Variants in KIRREL3 observed in about 807,000 individuals in gnomAD.
The protein encoded by KIRREL3 is kirre like nephrin family adhesion molecule 3.
In KIRREL3, 36 loss-of-function variants were observed where a neutral mutation model predicts 89.7. The observed-to-expected ratio is 0.40, with a 90% CI of 0.31 to 0.53. KIRREL3 has a LOEUF of 0.53. KIRREL3 is among the 20% of genes least tolerant of loss of function. The pLI, the probability that KIRREL3 is intolerant of heterozygous loss-of-function variation, is 0.49. For synonymous variants in KIRREL3, 445 were observed against 441.4 expected, an observed-to-expected ratio of 1.01 and a Z score of -0.10; for missense variants, 864 against 1,056.6, an observed-to-expected ratio of 0.82 and a Z score of 2.53.
intron 1 of KIRREL3, among the ~76,000 whole-genome samples, chr11:126,888,838 T>A (rs918176974): frequency 6.6e-6 from 1 of 152,170 alleles, no homozygotes; most frequent in Admixed American, 6.5e-5. Flanking sequence ...AACCCATTTG[T>A]GAGTTTATGA....
intron 1 of KIRREL3, among the ~76,000 whole-genome samples, chr11:126,816,155 G>A (rs1951565810): frequency 6.6e-6 from 1 of 152,196 alleles, no homozygotes; most frequent in African/African-American, 2.4e-5. Flanking sequence ...CCGTATTGGA[G>A]TCTTAAGAAA....
intron 4 of KIRREL3, among the ~76,000 whole-genome samples, chr11:126,493,687 A>C (rs1957587226): frequency 7.0e-6 from 1 of 143,832 alleles, no homozygotes; most frequent in African/African-American, 2.6e-5. Context: ...AGAGAATTGG[A>C]GCTGAACCTG....
chr11:126,892,678 G>A lies in KIRREL3; in HGVS notation c.55+107777C>T, dbSNP rs954561186. Among the ~76,000 whole-genome samples the A allele has an allele frequency of 2.0e-5, 3 of 152,098 alleles. No homozygotes were observed. Among genetic ancestry groups the A allele is most frequent in the African/African-American group, 7.2e-5 (3 of 41,400 alleles). ...GCTGGAGGCATGACCCCTTTTCTCT[G>A]GTTGATTTCATCTCCAGTAGCCAAG... On this transcript the variant is annotated intron_variant, in intron 1 of 16. Coordinates refer to ENST00000525144, the MANE Select transcript of KIRREL3 (RefSeq NM_032531.4). This position sits in a 1 kb window ranked among gnomAD's most constrained non-coding sequence, Gnocchi z 5.4.
chr11:126,487,085 T>C, intron 4 of KIRREL3, among the ~76,000 whole-genome samples: 1 of 152,084 alleles, frequency 6.6e-6, no homozygotes, highest in South Asian at 2.1e-4. Context: ...CGCAGGAAGA[T>C]GGTCATTACA....
chr11:126,956,257 C>T (rs1029348209), intron 1 of KIRREL3, among the ~76,000 whole-genome samples: 8 of 152,218 alleles, frequency 5.3e-5, no homozygotes, highest in African/African-American at 9.6e-5. Context: ...CTTCCCAATG[C>T]CTCCTGGACT....
At chr11:126,820,406 C>T (rs1397342127) in intron 1 of KIRREL3, among the ~76,000 whole-genome samples, 1 of 152,126 alleles carries the variant, frequency 6.6e-6, no homozygotes, top group African/African-American at 2.4e-5. Flanking sequence ...GCAGCTAGAG[C>T]TAATGGCAGC....
At chr11:126,836,189 A>G (rs1943775001) in intron 1 of KIRREL3, among the ~76,000 whole-genome samples, 2 of 152,222 alleles carry the variant, frequency 1.3e-5, no homozygotes, top group South Asian at 4.1e-4. Flanking sequence ...TACTTCTCAA[A>G]AATTATGAAA....
At chr11:126,700,456 C>T (rs1014671566) in intron 1 of KIRREL3, among the ~76,000 whole-genome samples, 2 of 152,214 alleles carry the variant, frequency 1.3e-5, no homozygotes, top group Non-Finnish European at 2.9e-5. Flanking sequence ...GTTCCACATA[C>T]AATTATTAGA....
At position 126,575,751 on chromosome 11, in the gene KIRREL3, G is replaced by A. The variant is rs759861256; in HGVS notation, c.56-12839C>T. On this transcript the variant is annotated intron_variant, in intron 1 of 16. Coordinates refer to ENST00000525144, the MANE Select transcript of KIRREL3 (RefSeq NM_032531.4). The surrounding 1 kb of genome is among the most constrained non-coding windows in gnomAD (Gnocchi z 7.0). ...GCTGCCTGGTGGCTGTCCTGGGGCCGCTGTTCCTTCTATCAGGGATTCTCA... is the reference window on the plus strand; with the variant it reads ...GCTGCCTGGTGGCTGTCCTGGGGCCACTGTTCCTTCTATCAGGGATTCTCA... Among the ~76,000 whole-genome samples, 4 of 152,052 alleles carry A rather than the reference G, an allele frequency of 2.6e-5. No homozygotes were observed. The highest frequency in any genetic ancestry group is 3.9e-4 in the East Asian group (2 of 5,168).
intron 1 of KIRREL3, among the ~76,000 whole-genome samples, chr11:126,695,627 G>A (rs1319412424): frequency 3.3e-5 from 5 of 152,046 alleles, no homozygotes; most frequent in Non-Finnish European, 7.4e-5. Context: ...TCCTGCTCCA[G>A]GATGACGAGG....
intron 1 of KIRREL3, among the ~76,000 whole-genome samples, chr11:126,962,045 C>A (rs1179003207): frequency 6.6e-6 from 1 of 152,196 alleles, no homozygotes. Flanking sequence ...TGACACTTAA[C>A]CTCGTCACCC....
intron 1 of KIRREL3, among the ~76,000 whole-genome samples, chr11:126,701,796 C>T (rs1947323036): frequency 6.6e-6 from 1 of 152,124 alleles, no homozygotes; most frequent in South Asian, 2.1e-4. Flanking sequence ...TGGACAAATC[C>T]TTCTCTGCCC....
At chr11:126,850,087 G>A (rs930201281) in intron 1 of KIRREL3, among the ~76,000 whole-genome samples, 10 of 152,146 alleles carry the variant, frequency 6.6e-5, no homozygotes, top group Admixed American at 1.3e-4. Context: ...CCACCAAAGC[G>A]GGGGTCCCTG....
chr11:126,972,570 T>C (rs1840423201), intron 1 of KIRREL3, among the ~76,000 whole-genome samples: 1 of 152,208 alleles, frequency 6.6e-6, no homozygotes, highest in South Asian at 2.1e-4. Flanking sequence ...GTCACGTTAC[T>C]GAAGGAGCAG....
Position 126,723,342 on chromosome 11 carries a change from A to G in KIRREL3, c.56-160430T>C, listed in dbSNP as rs1352913273. On this transcript the variant is annotated intron_variant, in intron 1 of 16. Coordinates refer to ENST00000525144, the MANE Select transcript of KIRREL3 (RefSeq NM_032531.4). The surrounding 1 kb of genome is among the most constrained non-coding windows in gnomAD (Gnocchi z 4.0). Reference sequence around the variant, plus strand: ...ACAGTGCTGAGCCAGAGAACACAGCATTAGTGGGAGCTGTGGAGAGGAGGC... The same window carrying G: ...ACAGTGCTGAGCCAGAGAACACAGCGTTAGTGGGAGCTGTGGAGAGGAGGC... Among the ~76,000 whole-genome samples the G allele has an allele frequency of 1.3e-5, 2 of 152,222 alleles. No homozygotes were observed. Among genetic ancestry groups the G allele is most frequent in the Admixed American group, 6.5e-5 (1 of 15,280 alleles).
rs1190463995 is a variant in KIRREL3 at position 126,669,400 on chromosome 11, A to G, written c.56-106488T>C. ...CATGTCCTCTAGAAAACTTTTCCCT[A>G]TTTAATCCCATGTATTTTTAACCCA... On this transcript the variant is annotated intron_variant, in intron 1 of 16. Transcript: ENST00000525144. The surrounding 1 kb of genome is among the most constrained non-coding windows in gnomAD (Gnocchi z 5.0). Among the ~76,000 whole-genome samples, 1 of 152,166 alleles carries G rather than the reference A, an allele frequency of 6.6e-6. No individual in the cohort carries two copies. Among genetic ancestry groups the G allele is most frequent in the African/African-American group, 2.4e-5 (1 of 41,440 alleles).
At chr11:126,765,728 T>C (rs1161871542) in intron 1 of KIRREL3, among the ~76,000 whole-genome samples, 2 of 152,196 alleles carry the variant, frequency 1.3e-5, no homozygotes, top group Non-Finnish European at 2.9e-5. Context: ...AAAGCTGACC[T>C]CAGCCAGGAG....
chr11:126,747,126 G>T lies in KIRREL3; in HGVS notation c.56-184214C>A, dbSNP rs1390974443. Among the ~76,000 whole-genome samples, 2 of 152,206 alleles carry T rather than the reference G, an allele frequency of 1.3e-5. No homozygotes were observed. The highest frequency in any genetic ancestry group is 4.8e-5 in the African/African-American group (2 of 41,458). On this transcript the variant is annotated intron_variant, in intron 1 of 16. Transcript: ENST00000525144. This position sits in a 1 kb window ranked among gnomAD's most constrained non-coding sequence, Gnocchi z 4.7. ...TGACTGGAATCGCCTCAGCTGTGTAGCTAACTTGTTTTCCTTCCCCATCAA... is the reference window on the plus strand; with the variant it reads ...TGACTGGAATCGCCTCAGCTGTGTATCTAACTTGTTTTCCTTCCCCATCAA...
Position 126,788,722 on chromosome 11 carries a change from T to A in KIRREL3, c.55+211733A>T, listed in dbSNP as rs116871769. Among the ~76,000 whole-genome samples, 5 of 152,162 alleles carry A rather than the reference T, an allele frequency of 3.3e-5. No individual in the cohort carries two copies. Among genetic ancestry groups the A allele is most frequent in the Non-Finnish European group, 4.4e-5 (3 of 68,030 alleles). ...GCCCTACAATTGCTATCAAAGGAAC[T>A]GATTGTTTTGATCTGGAAGCCGTCA... is the stretch of plus-strand genomic sequence containing the variant. On this transcript the variant is annotated intron_variant, in intron 1 of 16. Transcript: ENST00000525144. This position sits in a 1 kb window ranked among gnomAD's most constrained non-coding sequence, Gnocchi z 4.1.
Sources: gnomAD v4.1 joint callset for allele counts (sites outside exome capture counted in the v4.1 genomes callset) on GRCh38, gnomAD v4.1.1 for gene constraint, Gnocchi (gnomAD v3.1) non-coding constraint, MANE v1.5 for transcripts, NCBI Gene and HGNC (gene_info 2026-07-23, HGNC 2026-07-21) for gene names.